The following HCRTR2 variants were observed in gnomAD, a reference collection of about 807,000 sequenced individuals.
HCRTR2 encodes the protein orexin receptor type 2.
A neutral mutation model predicts 49.0 loss-of-function variants in HCRTR2; 22 were observed. The observed-to-expected ratio is 0.45, with a 90% CI of 0.32 to 0.64. The LOEUF (loss-of-function observed/expected upper bound fraction) is 0.64, where lower values mean the gene tolerates loss of function less well. Among genes scored for constraint, HCRTR2 ranks in the 30% least tolerant of loss-of-function variants. The pLI is 0.04. For missense variants in HCRTR2, 491 were observed against 559.4 expected (o/e 0.88, Z 1.23); for synonymous variants, 236 against 205.3 (o/e 1.15, Z -1.28).
chr6:55,245,005 GT>G (rs1366659953), intron 1 of HCRTR2, among the ~76,000 whole-genome samples: 1 of 151,808 alleles, frequency 6.6e-6, no homozygotes, highest in Non-Finnish European at 1.5e-5. Context: ...TTTCTATTAT[GT>G]TCTATTGATC....
chr6:55,208,690 G>A (rs1182884371), intron 1 of HCRTR2, among the ~76,000 whole-genome samples: 1 of 152,024 alleles, frequency 6.6e-6, no homozygotes, highest in Admixed American at 6.6e-5. Context: ...ACTTTAAGCT[G>A]GTGTCAGTCT....
chr6:55,185,834 T>C (rs1765208873), intron 1 of HCRTR2, among the ~76,000 whole-genome samples: 1 of 152,232 alleles, frequency 6.6e-6, no homozygotes, highest in African/African-American at 2.4e-5. Context: ...TTTCCTTGAA[T>C]AGACAATATT....
At chr6:55,271,091 A>T (rs554544770) in intron 4 of HCRTR2, among the ~76,000 whole-genome samples, 1 of 152,278 alleles carries the variant, frequency 6.6e-6, no homozygotes, top group African/African-American at 2.4e-5. Context: ...GATAGAGAAG[A>T]GCCAAAATAA....
At chr6:55,200,359 G>T (rs1410640780) in intron 1 of HCRTR2, among the ~76,000 whole-genome samples, 41 of 151,002 alleles carry the variant, frequency 2.7e-4, no homozygotes, top group Non-Finnish European at 1.5e-4. Flanking sequence ...CCGCCTCCTG[G>T]GTTCACGTGA....
chr6:55,149,767 C>T (rs1049347446), intron 1 of HCRTR2, among the ~76,000 whole-genome samples: 3 of 151,966 alleles, frequency 2.0e-5, no homozygotes, highest in Non-Finnish European at 2.9e-5. Flanking sequence ...TATTTAATTA[C>T]ATCTGTATAA....
At chr6:55,186,471 C>T (rs544948624) in intron 1 of HCRTR2, among the ~76,000 whole-genome samples, 1 of 152,306 alleles carries the variant, frequency 6.6e-6, no homozygotes, top group Admixed American at 6.5e-5. Context: ...ATCTCCTTGA[C>T]ATGACTAAGT....
intron 1 of HCRTR2, among the ~76,000 whole-genome samples, chr6:55,125,287 A>G (rs972888370): frequency 6.6e-6 from 1 of 151,718 alleles, no homozygotes; most frequent in African/African-American, 2.4e-5. Context: ...TTCCTTCAGG[A>G]GCTCTTGTAA....
intron 1 of HCRTR2, among the ~76,000 whole-genome samples, chr6:55,179,275 C>G (rs544980417): frequency 6.6e-6 from 1 of 151,968 alleles, no homozygotes; most frequent in African/African-American, 2.4e-5. Context: ...TTTCTAAACC[C>G]TTTTTAGATA....
chr6:55,187,682 C>CTTTTTTTT (rs5876430), intron 1 of HCRTR2, among the ~76,000 whole-genome samples: 2 of 102,240 alleles, frequency 2.0e-5, no homozygotes, highest in African/African-American at 3.8e-5. Flanking sequence ...ATTATTTGAT[C>CTTTTTTTT]TTTTTTTTTT....
intron 3 of HCRTR2, among the ~76,000 whole-genome samples, chr6:55,259,929 C>A (rs1766723059): frequency 6.6e-6 from 1 of 152,070 alleles, no homozygotes; most frequent in Non-Finnish European, 1.5e-5. Flanking sequence ...TCAGCTTAGA[C>A]TATCATGTTT....
intron 2 of HCRTR2, among the ~76,000 whole-genome samples, chr6:55,253,063 T>C (rs977511786): frequency 6.6e-6 from 1 of 152,006 alleles, no homozygotes; most frequent in Admixed American, 6.6e-5. Flanking sequence ...TCACTCCATA[T>C]GTCAGATGGG....
intron 1 of HCRTR2, among the ~76,000 whole-genome samples, chr6:55,201,809 A>G (rs1038361329): frequency 2.0e-5 from 3 of 152,160 alleles, no homozygotes; most frequent in African/African-American, 4.8e-5. Context: ...CAAATTATTT[A>G]CATCCACAAA....
chr6:55,133,617 C>T (rs1258242405), intron 1 of HCRTR2, among the ~76,000 whole-genome samples: 3 of 151,638 alleles, frequency 2.0e-5, no homozygotes, highest in East Asian at 1.9e-4. Flanking sequence ...GTTCTAAGAA[C>T]GAAGACATAG....
chr6:55,213,209 A>G (rs1388197073), intron 1 of HCRTR2, among the ~76,000 whole-genome samples: 1 of 152,206 alleles, frequency 6.6e-6, no homozygotes, highest in Admixed American at 6.5e-5. Flanking sequence ...TGGAATGAAA[A>G]AGAAAAAAAC....
intron 3 of HCRTR2, among the ~76,000 whole-genome samples, chr6:55,262,343 T>G (rs1249459128): frequency 7.1e-6 from 1 of 141,498 alleles, no homozygotes; most frequent in African/African-American, 2.6e-5. Context: ...TTATATATAA[T>G]ATTATATATA....
chr6:55,114,621 A>C (rs1381926335), intron 1 of HCRTR2, among the ~76,000 whole-genome samples: 5 of 151,998 alleles, frequency 3.3e-5, no homozygotes, highest in Admixed American at 2.6e-4. Context: ...AATATGGAAA[A>C]GGAAAATGCT....
chr6:55,231,513 T>G (rs1766114187), intron 1 of HCRTR2, among the ~76,000 whole-genome samples: 1 of 139,712 alleles, frequency 7.2e-6, no homozygotes, highest in Admixed American at 6.8e-5. Context: ...AGTACTTGCA[T>G]TTTTTTTTAG....
At chr6:55,262,257 C>A (rs921201219) in intron 3 of HCRTR2, among the ~76,000 whole-genome samples, 1 of 146,748 alleles carries the variant, frequency 6.8e-6, no homozygotes, top group African/African-American at 2.5e-5. Context: ...CAAAACCTAT[C>A]GGAATAAAAA....
At chr6:55,253,113 C>T (rs564925013) in intron 2 of HCRTR2, among the ~76,000 whole-genome samples, 7 of 151,982 alleles carry the variant, frequency 4.6e-5, no homozygotes, top group Non-Finnish European at 8.8e-5. Context: ...TCGATTCCAG[C>T]TATACTCTTC....
Sources: allele counts gnomAD v4.1 joint callset (sites outside exome capture counted in the v4.1 genomes callset), GRCh38; gene constraint gnomAD v4.1.1; transcripts MANE v1.5; gene names NCBI Gene and HGNC (gene_info 2026-07-23, HGNC 2026-07-21).